The following KAT2B variants were observed in gnomAD, a reference collection of about 807,000 sequenced individuals.
The protein encoded by KAT2B is lysine acetyltransferase 2B.
Under a neutral mutation model 105.9 loss-of-function variants are expected in KAT2B, and 36 were observed. That is an observed-to-expected ratio of 0.34 (90% CI 0.26 to 0.45). The LOEUF is 0.45. KAT2B is among the 20% of genes least tolerant of loss of function. The pLI, the probability that KAT2B is intolerant of heterozygous loss-of-function variation, is 1.00. For synonymous variants in KAT2B, 397 were observed against 377.9 expected, an observed-to-expected ratio of 1.05 and a Z score of -0.59; for missense variants, 820 against 1,021.6, an observed-to-expected ratio of 0.80 and a Z score of 2.69.
chr3:20,148,203 ACT>A (rs1444312239), intron 15 of KAT2B, 38 bp from the exon 16 acceptor site: 2 of 1,563,164 alleles, frequency 1.3e-6, no homozygotes, highest in Admixed American at 1.7e-5. Context: ...ATAGGGTAAA[ACT>A]CTAATCATTG....
chr3:20,122,276 C>T (rs1413837491), intron 8 of KAT2B, among the ~76,000 whole-genome samples: 1 of 152,142 alleles, frequency 6.6e-6, no homozygotes, highest in African/African-American at 2.4e-5. Context: ...TATTTTAGGT[C>T]ATAAGGTAAA....
chr3:20,149,570 G>C (rs1365646222), intron 17 of KAT2B, among the ~76,000 whole-genome samples: 1 of 148,374 alleles, frequency 6.7e-6, no homozygotes, highest in Non-Finnish European at 1.5e-5. Flanking sequence ...GGACGCATTA[G>C]CTCCTTGAAA....
At chr3:20,144,577 C>CTG (rs1699753008) in intron 13 of KAT2B, among the ~76,000 whole-genome samples, 10 of 150,214 alleles carry the variant, frequency 6.7e-5, no homozygotes, top group Admixed American at 6.6e-4. Context: ...GCGTGAGCCA[C>CTG]CAAGCCCAGC....
chr3:20,054,192 C>T lies in KAT2B; in HGVS notation c.303+13412C>T, dbSNP rs184336507. Among the ~76,000 whole-genome samples the T allele has an allele frequency of 2.5e-3, 369 of 150,384 alleles. 3 individuals carry two copies. The highest frequency in any genetic ancestry group is 8.7e-3 in the African/African-American group (357 of 41,184). The stretch of plus-strand genomic sequence containing the variant: ...TCACCTAGGCTGCAGTGCAGTGGCG[C>T]GATCTTGGCTCACTGCAATCTCCGC... On this transcript the variant is annotated intron_variant, in intron 1 of 17. Transcript: ENST00000263754.
chr3:20,112,840 G>T (rs1384897466), intron 6 of KAT2B, among the ~76,000 whole-genome samples: 1 of 152,140 alleles, frequency 6.6e-6, no homozygotes, highest in Non-Finnish European at 1.5e-5. Context: ...TGGAATTTTT[G>T]TCTCAGTGAA....
chr3:20,044,094 GAAAC>G (rs769566860), intron 1 of KAT2B, among the ~76,000 whole-genome samples: 4 of 151,324 alleles, frequency 2.6e-5, no homozygotes, highest in Non-Finnish European at 5.9e-5. Context: ...AAAAAGAAAA[GAAAC>G]AAACAAACTT....
intron 1 of KAT2B, among the ~76,000 whole-genome samples, chr3:20,053,106 C>T (rs1697943938): frequency 6.6e-6 from 1 of 152,230 alleles, no homozygotes; most frequent in Non-Finnish European, 1.5e-5. Flanking sequence ...CCCCTTGGTT[C>T]ATGGCAGACT....
chr3:20,086,219 G>C (rs1220441089), intron 2 of KAT2B, among the ~76,000 whole-genome samples: 1 of 152,148 alleles, frequency 6.6e-6, no homozygotes, highest in Non-Finnish European at 1.5e-5. Flanking sequence ...GCTGCAGTGA[G>C]CCATAATTGT....
At chr3:20,083,657 C>T (rs1005930495) in intron 2 of KAT2B, among the ~76,000 whole-genome samples, 6 of 152,092 alleles carry the variant, frequency 3.9e-5, no homozygotes, top group African/African-American at 1.4e-4. Context: ...AGAGAACAGT[C>T]TAGGGGGCTA....
At chr3:20,066,223 T>G (rs1698220871) in intron 1 of KAT2B, among the ~76,000 whole-genome samples, 1 of 152,174 alleles carries the variant, frequency 6.6e-6, no homozygotes, top group African/African-American at 2.4e-5. Context: ...TCACTTGGCC[T>G]TCTTTACTGT....
At chr3:20,143,142 A>G (rs1699722687) in intron 13 of KAT2B, among the ~76,000 whole-genome samples, 1 of 152,156 alleles carries the variant, frequency 6.6e-6, no homozygotes, top group Admixed American at 6.6e-5. Context: ...CCTAAAACTG[A>G]CAGCAGTAGA....
chr3:20,149,886 C>G (rs2125200458), intron 17 of KAT2B, among the ~76,000 whole-genome samples: 1 of 152,340 alleles, frequency 6.6e-6, no homozygotes, highest in African/African-American at 2.4e-5. Context: ...TTTTTGCATC[C>G]TCTTCCTCTG....
chr3:20,148,781 T>C (rs1211478288), intron 17 of KAT2B: 3 of 293,930 alleles, frequency 1.0e-5, no homozygotes, highest in East Asian at 6.2e-5. Flanking sequence ...ACTTTAGATA[T>C]AACTTTGCTT....
intron 2 of KAT2B, among the ~76,000 whole-genome samples, chr3:20,073,831 TC>T (rs1343980926): frequency 6.6e-6 from 1 of 152,226 alleles, no homozygotes; most frequent in African/African-American, 2.4e-5. Context: ...ACTCAAGAAA[TC>T]CTTAAGCCCT....
Position 20,122,771 on chromosome 3 carries a change from C to T in KAT2B, c.1380C>T (p.Thr460=). Residue 460 remains threonine (T), a synonymous_variant, in exon 9 of 18, where the codon ACC becomes ACT. Coordinates refer to ENST00000263754, the MANE Select transcript of KAT2B (RefSeq NM_003884.5). ...AATTAATCAACGAGGTTATGTCTAC[C>T]ATCACGGACCCTGCAGCAATGCTTG... is the stretch of plus-strand genomic sequence containing the variant. ...PMELINEVMS[T]ITDPAAMLGP... The T allele has an allele frequency of 1.2e-6, 2 of 1,613,970 alleles. No homozygotes were observed. Among genetic ancestry groups the T allele is most frequent in the South Asian group, 1.1e-5 (1 of 91,034 alleles).
intron 2 of KAT2B, among the ~76,000 whole-genome samples, chr3:20,084,885 G>C (rs921211750): frequency 6.6e-6 from 1 of 152,154 alleles, no homozygotes; most frequent in African/African-American, 2.4e-5. Context: ...TTGGGGCTTT[G>C]AAAAAGTAAG....
chr3:20,040,878 T>A, intron 1 of KAT2B, 98 bp downstream of exon 1: 2 of 1,353,176 alleles, frequency 1.5e-6, no homozygotes, highest in Non-Finnish European at 1.9e-6. Flanking sequence ...TCCCGCCTCC[T>A]GCCTCTCGCC....
At chr3:20,046,337 T>TAGCCAGGCCATGCAGGGCC (rs1697810634) in intron 1 of KAT2B, among the ~76,000 whole-genome samples, 1 of 152,174 alleles carries the variant, frequency 6.6e-6, no homozygotes, top group South Asian at 2.1e-4. Flanking sequence ...ATCCCAGCAG[T>TAGCCAGGCCATGCAGGGCC]TTGGGTGGCC....
At chr3:20,129,469 G>C (rs1228771953) in intron 11 of KAT2B, among the ~76,000 whole-genome samples, 1 of 151,500 alleles carries the variant, frequency 6.6e-6, no homozygotes, top group African/African-American at 2.4e-5. Flanking sequence ...CCGCCTCATG[G>C]GTTCAAGTGA....
Sources: gnomAD v4.1 joint callset for allele counts (sites outside exome capture counted in the v4.1 genomes callset) on GRCh38, gnomAD v4.1.1 for gene constraint, MANE v1.5 for transcripts, NCBI Gene and HGNC (gene_info 2026-07-23, HGNC 2026-07-21) for gene names.